The following GNPNAT1 variants were observed in gnomAD, a reference collection of about 807,000 sequenced individuals.
The protein encoded by GNPNAT1 is glucosamine-phosphate N-acetyltransferase 1, also known as glucosamine 6-phosphate N-acetyltransferase.
In GNPNAT1, 11 loss-of-function variants were observed where a neutral mutation model predicts 19.8. The ratio of observed to expected loss-of-function variants is 0.56; its 90% CI spans 0.35 to 0.92. GNPNAT1 has a LOEUF of 0.92. Ranked by LOEUF, GNPNAT1 falls within the 40% of genes least tolerant of loss-of-function variation. GNPNAT1 has a pLI of 0.01. For missense variants in GNPNAT1, 157 were observed against 211.0 expected (o/e 0.74, Z 1.59); for synonymous variants, 71 against 72.3 (o/e 0.98, Z 0.09).
chr14:52,778,918 G>C (rs1488538492), intron 5 of GNPNAT1, among the ~76,000 whole-genome samples: 1 of 152,102 alleles, frequency 6.6e-6, no homozygotes, highest in Non-Finnish European at 1.5e-5. Flanking sequence ...CAGAGGCTGA[G>C]GGGGGAAGAT....
At chr14:52,784,151 A>G (rs528347259) in intron 2 of GNPNAT1, among the ~76,000 whole-genome samples, 12 of 152,300 alleles carry the variant, frequency 7.9e-5, no homozygotes, top group Non-Finnish European at 1.5e-4. Flanking sequence ...AACCCTTTCA[A>G]TTTATCCAAG....
intron 3 of GNPNAT1, among the ~76,000 whole-genome samples, chr14:52,782,385 C>T (rs1032150165): frequency 1.3e-5 from 2 of 151,990 alleles, no homozygotes; most frequent in African/African-American, 4.8e-5. Flanking sequence ...TTTTAATTTT[C>T]CCTTTGTGAT....
intron 3 of GNPNAT1, 100 bp downstream of exon 3, chr14:52,783,323 C>T: frequency 7.2e-6 from 5 of 696,884 alleles, no homozygotes; most frequent in Middle Eastern, 3.6e-4. Flanking sequence ...GAATAATTTC[C>T]AGCTATTTGA....
Position 52,776,684 on chromosome 14 carries a change from T to C in GNPNAT1, c.*1627A>G, listed in dbSNP as rs2139955478. The C allele has an allele frequency of 6.6e-6, 1 of 152,284 alleles. No homozygotes were observed. The highest frequency in any genetic ancestry group is 6.5e-5 in the Admixed American group (1 of 15,278). 9.4% of individuals were successfully genotyped at this position (152,284 alleles called of 1,614,324 possible). The stretch of plus-strand genomic sequence containing the variant: ...GATTCTCTCGCCTCAGCTTCCTGAG[T>C]AGCTGGGATTACAGGCGCATGCCAC... On this transcript the variant is annotated 3_prime_UTR_variant, in exon 6 of 6. Coordinates refer to ENST00000216410, the MANE Select transcript of GNPNAT1 (RefSeq NM_198066.4).
intron 1 of GNPNAT1, 107 bp from the exon 2 acceptor site, chr14:52,784,771 A>G: frequency 2.2e-6 from 1 of 463,342 alleles, no homozygotes; most frequent in Non-Finnish European, 3.7e-6. Flanking sequence ...TCTTTAGCAC[A>G]TATGCGAGAT....
At position 52,775,907 on chromosome 14, in the gene GNPNAT1, G is replaced by T. The variant is rs902887764; in HGVS notation, c.*2404C>A. ...CTTTAAAAAATGTGGGCCAGGTGCA[G>T]TGGCTCGCACCTGTCATCCAAGCAC... On this transcript the variant is annotated 3_prime_UTR_variant, in exon 6 of 6. Transcript: ENST00000216410. 3 of 152,556 alleles carry T rather than the reference G, an allele frequency of 2.0e-5. No individual in the cohort carries two copies. Among genetic ancestry groups the T allele is most frequent in the Non-Finnish European group, 2.9e-5 (2 of 68,376 alleles). The allele number at this position is 152,556 out of a possible 1,614,324, so 9.5% of individuals were successfully genotyped here. A position where few individuals can be genotyped will look rare whatever the true frequency, so the allele number is the denominator to read the frequency against.
In GNPNAT1 at chr14:52,776,998, T is replaced by C. The variant is rs1449021747; in HGVS notation, c.*1313A>G. 6.6e-6 allele frequency: 1 copy of C among 152,258 alleles called. No individual in the cohort carries two copies. Among genetic ancestry groups the C allele is most frequent in the Non-Finnish European group, 1.5e-5 (1 of 68,048 alleles). 9.4% of individuals were successfully genotyped at this position (152,258 alleles called of 1,614,324 possible). The stretch of plus-strand genomic sequence containing the variant: ...CGAAGGACAGATCAGTTCGTCTGTA[T>C]AGGCTATAAGCAGGTAAGTAGTGCA... On this transcript the variant is annotated 3_prime_UTR_variant, in exon 6 of 6. Coordinates refer to ENST00000216410, the MANE Select transcript of GNPNAT1 (RefSeq NM_198066.4).
At chr14:52,779,941 C>T (rs929368898) in intron 5 of GNPNAT1, among the ~76,000 whole-genome samples, 1 of 151,980 alleles carries the variant, frequency 6.6e-6, no homozygotes, top group South Asian at 2.1e-4. Context: ...AATCCCAGCA[C>T]TTTGGGAGGC....
In GNPNAT1 at chr14:52,776,354, A is replaced by C. The variant is rs1882719884; in HGVS notation, c.*1957T>G. ...TAAACATACTCAACTAAAATTACAG[A>C]TCACCATTGTCCTCAATGACACAAT... On this transcript the variant is annotated 3_prime_UTR_variant, in exon 6 of 6. Transcript: ENST00000216410. 1 of 152,140 alleles carries C rather than the reference A, an allele frequency of 6.6e-6. No homozygotes were observed. 9.4% of individuals were successfully genotyped at this position (152,140 alleles called of 1,614,324 possible).
chr14:52,790,605 G>A (rs1309810614), intron 1 of GNPNAT1, among the ~76,000 whole-genome samples: 1 of 152,156 alleles, frequency 6.6e-6, no homozygotes, highest in Non-Finnish European at 1.5e-5. Context: ...TAAGTGACTT[G>A]GGGCTAGAAT....
At chr14:52,786,740 G>A (rs1286158844) in intron 1 of GNPNAT1, among the ~76,000 whole-genome samples, 1 of 151,792 alleles carries the variant, frequency 6.6e-6, no homozygotes, top group East Asian at 2.0e-4. Context: ...ATAAAACTGG[G>A]GCCAGGGGGC....
intron 3 of GNPNAT1, among the ~76,000 whole-genome samples, chr14:52,782,709 A>G (rs1329049153): frequency 6.6e-6 from 1 of 152,110 alleles, no homozygotes; most frequent in South Asian, 2.1e-4. Flanking sequence ...AAAATAAACA[A>G]TGAGAATCAG....
At chr14:52,788,771 A>C (rs1883081674) in intron 1 of GNPNAT1, among the ~76,000 whole-genome samples, 1 of 152,248 alleles carries the variant, frequency 6.6e-6, no homozygotes, top group Non-Finnish European at 1.5e-5. Context: ...TGTGTTTACA[A>C]TAAAAATGTG....
In GNPNAT1 at chr14:52,777,495, T is replaced by G. The variant is rs371731438; in HGVS notation, c.*816A>C. 6.6e-6 allele frequency: 1 copy of G among 152,066 alleles called. No individual in the cohort carries two copies. The highest frequency in any genetic ancestry group is 1.9e-4 in the East Asian group (1 of 5,192). The allele number at this position is 152,066 out of a possible 1,614,324, so 9.4% of individuals were successfully genotyped here. A position where few individuals can be genotyped will look rare whatever the true frequency, so the allele number is the denominator to read the frequency against. On this transcript the variant is annotated 3_prime_UTR_variant, in exon 6 of 6. Transcript: ENST00000216410. ...GTGATACTCCATTTTTGAAAAAACT[T>G]AGAGGCTTCAGATACCCATGAAAAG... is the stretch of plus-strand genomic sequence containing the variant.
intron 1 of GNPNAT1, among the ~76,000 whole-genome samples, chr14:52,790,168 G>GA (rs1012625029): frequency 8.5e-5 from 13 of 152,146 alleles, no homozygotes; most frequent in African/African-American, 3.1e-4. Context: ...TACGAATGGG[G>GA]AGAGAGGCTG....
chr14:52,783,864 G>A (rs1030599460), intron 2 of GNPNAT1, among the ~76,000 whole-genome samples: 2 of 152,066 alleles, frequency 1.3e-5, no homozygotes, highest in Admixed American at 6.5e-5. Flanking sequence ...TACAATATTC[G>A]TAAATTAAAG....
Position 52,777,120 on chromosome 14 carries a change from G to A in GNPNAT1, c.*1191C>T, listed in dbSNP as rs1882753120. 1 of 152,288 alleles carries A rather than the reference G, an allele frequency of 6.6e-6. No homozygotes were observed. Among genetic ancestry groups the A allele is most frequent in the Non-Finnish European group, 1.5e-5 (1 of 68,034 alleles). The allele number at this position is 152,288 out of a possible 1,614,324, so 9.4% of individuals were successfully genotyped here. A position where few individuals can be genotyped will look rare whatever the true frequency, so the allele number is the denominator to read the frequency against. On this transcript the variant is annotated 3_prime_UTR_variant, in exon 6 of 6. Transcript: ENST00000216410. ...TCCAGATGACGTGGTGTGAGTCAAT[G>A]GGATGAGAAACACTGGTATTTTCTT...
chr14:52,780,308 C>G (rs903567964), intron 5 of GNPNAT1, among the ~76,000 whole-genome samples: 1 of 152,064 alleles, frequency 6.6e-6, no homozygotes, highest in Non-Finnish European at 1.5e-5. Context: ...ATTTCTACAA[C>G]TTATGAGAAT....
chr14:52,780,816 CTGATAA>C, intron 4 of GNPNAT1, 76 bp from the exon 5 acceptor site: 1 of 862,390 alleles, frequency 1.2e-6, no homozygotes, highest in Non-Finnish European at 1.9e-6. Flanking sequence ...TAAGAATTTA[CTGATAA>C]TAAGTAGTAT....
Sources: allele counts gnomAD v4.1 joint callset (sites outside exome capture counted in the v4.1 genomes callset), GRCh38; gene constraint gnomAD v4.1.1; transcripts MANE v1.5; gene names NCBI Gene and HGNC (gene_info 2026-07-23, HGNC 2026-07-21).